COG5: variants seen among roughly 807,000 people sequenced by gnomAD.
COG5 encodes component of oligomeric golgi complex 5, also known as conserved oligomeric Golgi complex subunit 5.
COG5 carries 86 observed loss-of-function variants against 110.4 expected under a neutral mutation model. That is an observed-to-expected ratio of 0.78 (90% CI 0.65 to 0.93). The LOEUF is 0.93. COG5 is among the 40% of genes least tolerant of loss of function. COG5 has a pLI of 0.00. For missense variants in COG5, 1,077 were observed against 987.0 expected (o/e 1.09, Z -1.22); for synonymous variants, 360 against 334.6 (o/e 1.08, Z -0.83).
At chr7:107,486,364 T>G (rs1232961758) in intron 6 of COG5, among the ~76,000 whole-genome samples, 1 of 151,748 alleles carries the variant, frequency 6.6e-6, no homozygotes, top group East Asian at 1.9e-4. Flanking sequence ...CAACCCCTGA[T>G]CACAAATCTT....
chr7:107,412,467 T>G, intron 7 of COG5, 35 bp downstream of exon 7: 1 of 1,598,180 alleles, frequency 6.3e-7, no homozygotes, highest in African/African-American at 1.3e-5. Context: ...TTATGACACA[T>G]TTTTTACATT....
intron 11 of COG5, among the ~76,000 whole-genome samples, chr7:107,320,743 CCCT>C (rs1413316854): frequency 9.2e-5 from 14 of 152,022 alleles, no homozygotes; most frequent in African/African-American, 3.4e-4. Context: ...AATATAGGTC[CCCT>C]CTGTCACACT....
At chr7:107,274,675 C>T (rs761523557) in intron 14 of COG5, among the ~76,000 whole-genome samples, 8 of 152,126 alleles carry the variant, frequency 5.3e-5, no homozygotes, top group Non-Finnish European at 4.4e-5. Flanking sequence ...CCATATGACC[C>T]GAGAAGCATG....
At chr7:107,516,058 T>C (rs1242912194) in intron 6 of COG5, among the ~76,000 whole-genome samples, 4 of 152,116 alleles carry the variant, frequency 2.6e-5, no homozygotes, top group African/African-American at 7.2e-5. Context: ...CATGAATCTA[T>C]GTGATATAAC....
rs550043242 is a variant in COG5 at position 107,532,836 on chromosome 7, A to C, written c.418-5479T>G. 2.0e-5 allele frequency among the ~76,000 whole-genome samples: 3 copies of C among 152,342 alleles called. No homozygotes were observed. The South Asian group carries it at 6.2e-4, about 32-fold the overall frequency. ...GTATGATGGCAGAAAATAGTTTTTAAAATTTTTTGCATATGCTCTTCCCAC... is the reference window on the plus strand; with the variant it reads ...GTATGATGGCAGAAAATAGTTTTTACAATTTTTTGCATATGCTCTTCCCAC... On this transcript the variant is annotated intron_variant, in intron 5 of 21. Transcript: ENST00000297135.
intron 6 of COG5, among the ~76,000 whole-genome samples, chr7:107,489,347 A>C (rs1381919285): frequency 6.6e-6 from 1 of 152,210 alleles, no homozygotes; most frequent in Admixed American, 6.5e-5. Flanking sequence ...GTTGAAAAGA[A>C]AATGCAGGCC....
chr7:107,538,555 T>A (rs1293149255), intron 5 of COG5, among the ~76,000 whole-genome samples: 1 of 152,096 alleles, frequency 6.6e-6, no homozygotes, highest in Non-Finnish European at 1.5e-5. Flanking sequence ...ACTCAGCTAT[T>A]TACTCAAGAC....
intron 5 of COG5, among the ~76,000 whole-genome samples, chr7:107,543,127 G>A (rs1443437456): frequency 6.6e-6 from 1 of 152,146 alleles, no homozygotes; most frequent in Non-Finnish European, 1.5e-5. Context: ...AGACTTTCCA[G>A]GACTCCAGCT....
chr7:107,329,501 A>G (rs975045001), intron 10 of COG5, among the ~76,000 whole-genome samples: 16 of 152,166 alleles, frequency 1.1e-4, no homozygotes, highest in African/African-American at 3.9e-4. Flanking sequence ...CATATATAAT[A>G]GTATATGTAC....
intron 6 of COG5, among the ~76,000 whole-genome samples, chr7:107,479,864 T>C (rs968732843): frequency 1.3e-5 from 2 of 152,178 alleles, no homozygotes; most frequent in African/African-American, 4.8e-5. Flanking sequence ...ATTAAACACA[T>C]ATTTTCTAAC....
chr7:107,395,338 A>G (rs923075846), intron 7 of COG5, among the ~76,000 whole-genome samples: 2 of 152,084 alleles, frequency 1.3e-5, no homozygotes, highest in Non-Finnish European at 2.9e-5. Context: ...GAAAGAAAGA[A>G]AGAAATGATC....
At chr7:107,269,583 T>C (rs952642824) in intron 14 of COG5, among the ~76,000 whole-genome samples, 2 of 152,238 alleles carry the variant, frequency 1.3e-5, no homozygotes, top group African/African-American at 4.8e-5. Flanking sequence ...CATCACTCTT[T>C]CCTCATTTTA....
intron 7 of COG5, among the ~76,000 whole-genome samples, chr7:107,407,800 A>G (rs1791968165): frequency 1.3e-5 from 2 of 152,182 alleles, no homozygotes; most frequent in South Asian, 4.1e-4. Flanking sequence ...TTTAACATTA[A>G]ATGCAAACCA....
chr7:107,398,464 G>A (rs1011475467), intron 7 of COG5, among the ~76,000 whole-genome samples: 2 of 152,126 alleles, frequency 1.3e-5, no homozygotes, highest in Admixed American at 6.5e-5. Context: ...ATAGGAGTGC[G>A]AACCCTATTG....
intron 8 of COG5, among the ~76,000 whole-genome samples, chr7:107,366,499 T>A (rs1420504255): frequency 6.6e-6 from 1 of 152,074 alleles, no homozygotes; most frequent in Non-Finnish European, 1.5e-5. Flanking sequence ...GGGAACATAC[T>A]TTAACACACA....
At chr7:107,489,111 T>C (rs1797831887) in intron 6 of COG5, among the ~76,000 whole-genome samples, 1 of 152,168 alleles carries the variant, frequency 6.6e-6, no homozygotes, top group Non-Finnish European at 1.5e-5. Context: ...AAGTTGTACA[T>C]TTACAGTGTA....
At chr7:107,319,338 T>G (rs904199853) in intron 11 of COG5, among the ~76,000 whole-genome samples, 4 of 152,234 alleles carry the variant, frequency 2.6e-5, no homozygotes, top group Non-Finnish European at 5.9e-5. Context: ...TTTTCCTGCT[T>G]CTTCTCATGT....
intron 18 of COG5, among the ~76,000 whole-genome samples, chr7:107,234,523 G>C (rs1421021029): frequency 6.6e-6 from 1 of 152,090 alleles, no homozygotes; most frequent in African/African-American, 2.4e-5. Context: ...ACCCATAAGG[G>C]AACATATTAA....
chr7:107,251,060 T>G (rs1802464672), intron 16 of COG5, among the ~76,000 whole-genome samples: 1 of 151,350 alleles, frequency 6.6e-6, no homozygotes, highest in Admixed American at 6.6e-5. Flanking sequence ...CAGGATAATT[T>G]TGATGAGAAC....
Sources: gnomAD v4.1 joint callset for allele counts (sites outside exome capture counted in the v4.1 genomes callset) on GRCh38, gnomAD v4.1.1 for gene constraint, MANE v1.5 for transcripts, NCBI Gene and HGNC (gene_info 2026-07-23, HGNC 2026-07-21) for gene names.